CNTNAP5: variants seen among roughly 807,000 people sequenced by gnomAD.
The protein encoded by CNTNAP5 is contactin-associated protein-like 5.
Under a neutral mutation model 150.2 loss-of-function variants are expected in CNTNAP5, and 72 were observed. The observed-to-expected ratio is 0.48, with a 90% confidence interval of 0.40 to 0.58. The LOEUF is 0.58. Ranked by LOEUF, CNTNAP5 falls within the 20% of genes least tolerant of loss-of-function variation. The probability of loss-of-function intolerance (pLI) is 0.00; values close to 1 mark genes in which losing one functional copy is unlikely to be tolerated. For synonymous variants in CNTNAP5, 672 were observed against 619.8 expected, an observed-to-expected ratio of 1.08 and a Z score of -1.25; for missense variants, 1,636 against 1,626.2, an observed-to-expected ratio of 1.01 and a Z score of -0.10.
chr2:124,276,939 C>T (rs1480647458), intron 3 of CNTNAP5, among the ~76,000 whole-genome samples: 1 of 152,070 alleles, frequency 6.6e-6, no homozygotes, highest in East Asian at 1.9e-4. Context: ...CAAGAAGCCA[C>T]AGAAAAATGG....
chr2:124,187,785 C>G (rs1452555367), intron 1 of CNTNAP5, among the ~76,000 whole-genome samples: 6 of 152,200 alleles, frequency 3.9e-5, no homozygotes, highest in Non-Finnish European at 7.3e-5. Context: ...AGTTCAACTT[C>G]CCTTCCTGGT....
chr2:124,237,085 C>T (rs759143301), intron 2 of CNTNAP5, among the ~76,000 whole-genome samples: 14 of 152,036 alleles, frequency 9.2e-5, no homozygotes, highest in Admixed American at 2.6e-4. Flanking sequence ...GCCGAAATCA[C>T]GCCATTGCAC....
chr2:124,097,791 G>A (rs1479853536), intron 1 of CNTNAP5, among the ~76,000 whole-genome samples: 1 of 152,192 alleles, frequency 6.6e-6, no homozygotes, highest in Non-Finnish European at 1.5e-5. Flanking sequence ...CACTTTGGGC[G>A]GCCGAGGCGG....
intron 13 of CNTNAP5, among the ~76,000 whole-genome samples, chr2:124,716,187 G>A (rs1014601318): frequency 1.3e-5 from 2 of 152,024 alleles, no homozygotes; most frequent in African/African-American, 4.8e-5. Flanking sequence ...ATGAAAAAAT[G>A]ATTCGTGCAA....
intron 18 of CNTNAP5, among the ~76,000 whole-genome samples, chr2:124,793,057 G>A (rs979592880): frequency 6.6e-6 from 1 of 152,194 alleles, no homozygotes; most frequent in Non-Finnish European, 1.5e-5. Context: ...ACCTAGAAGT[G>A]AGATTGTTGT....
In CNTNAP5 at chr2:124,855,167, CTTTTTTTTTTTTT is replaced by C. The variant is rs70999224; in HGVS notation, c.3218-10122_3218-10110del. Reference sequence around the variant, plus strand: ...AGAATTAGAAAGCCTTGGGCTTTTGCTTTTTTTTTTTTTTTTTTTTTTTTTTTTTGACAGAGTT... The same window carrying C: ...AGAATTAGAAAGCCTTGGGCTTTTGCTTTTTTTTTTTTTTTTGACAGAGTT... On this transcript the variant is annotated intron_variant, in intron 19 of 23. Coordinates refer to ENST00000682447, the MANE Select transcript of CNTNAP5 (RefSeq NM_001367498.1). Among the ~76,000 whole-genome samples the C allele has an allele frequency of 1.1e-4, 8 of 71,484 alleles. No homozygotes were observed. In the East Asian group the frequency reaches 5.6e-3, roughly 50 times the overall value. 46.9% of individuals were successfully genotyped at this position (71,484 alleles called of 152,430 possible). A position where few individuals can be genotyped will look rare whatever the true frequency, so the allele number is the denominator to read the frequency against.
At chr2:124,466,379 A>T (rs1693379506) in intron 6 of CNTNAP5, among the ~76,000 whole-genome samples, 1 of 152,104 alleles carries the variant, frequency 6.6e-6, no homozygotes, top group African/African-American at 2.4e-5. Flanking sequence ...TTTGGTCACT[A>T]GTATGCTTGC....
intron 1 of CNTNAP5, among the ~76,000 whole-genome samples, chr2:124,074,634 G>A (rs1488841978): frequency 6.6e-6 from 1 of 152,082 alleles, no homozygotes; most frequent in East Asian, 1.9e-4. Context: ...ATTTATCAGT[G>A]TCATGGGTAT....
chr2:124,683,148 C>G (rs1201532040), intron 13 of CNTNAP5, among the ~76,000 whole-genome samples: 2 of 152,192 alleles, frequency 1.3e-5, no homozygotes, highest in Admixed American at 6.5e-5. Context: ...GAGGAGTACA[C>G]AGAGTGTGGC....
chr2:124,681,706 G>A (rs1354429458), intron 13 of CNTNAP5, among the ~76,000 whole-genome samples: 4 of 152,132 alleles, frequency 2.6e-5, no homozygotes, highest in South Asian at 2.1e-4. Flanking sequence ...TGGGACTACA[G>A]GTGCATGCCA....
Position 124,902,950 on chromosome 2 carries a change from G to T in CNTNAP5, c.3505G>T (p.Val1169Phe). ...AMGFAGCMSS[V>F]QYNHIAPLKA... is the part of the protein sequence containing the mutation. The stretch of plus-strand genomic sequence containing the variant: ...GGGTTTTGCTGGATGCATGTCTTCC[G>T]TCCAGTACAACCACATAGCACCACT... Residue 1169 changes from valine (V) to phenylalanine (F), a missense_variant, in exon 22 of 24, where the codon GTC becomes TTC. Coordinates refer to ENST00000682447, the MANE Select transcript of CNTNAP5 (RefSeq NM_001367498.1). 1 of 1,613,032 alleles carries T rather than the reference G, an allele frequency of 6.2e-7. No individual in the cohort carries two copies. Among genetic ancestry groups the T allele is most frequent in the Non-Finnish European group, 8.5e-7 (1 of 1,179,424 alleles).
At chr2:124,082,044 T>C (rs544047222) in intron 1 of CNTNAP5, among the ~76,000 whole-genome samples, 1 of 152,170 alleles carries the variant, frequency 6.6e-6, no homozygotes, top group African/African-American at 2.4e-5. Flanking sequence ...CTATTATGAA[T>C]GTTATATAAA....
At chr2:124,875,001 A>G (rs1370029227) in intron 21 of CNTNAP5, among the ~76,000 whole-genome samples, 1 of 152,086 alleles carries the variant, frequency 6.6e-6, no homozygotes, top group Non-Finnish European at 1.5e-5. Flanking sequence ...CTCAAGATGC[A>G]TAAAATTTAC....
intron 3 of CNTNAP5, among the ~76,000 whole-genome samples, chr2:124,285,859 C>A (rs140804359): frequency 1.3e-5 from 2 of 151,882 alleles, no homozygotes; most frequent in African/African-American, 4.8e-5. Context: ...AGAGAGAAAA[C>A]CCTGGGTATG....
rs1694537667 is a variant in CNTNAP5, at chr2:124,510,301, C to CTATATATAGATATCTATATATCTA, written c.1327+5753_1327+5754insGATATCTATATATCTATATATATA. ...TATCTATATCTATATATCTATATAT[C>CTATATATAGATATCTATATATCTA]TATATATATATCTATATATCTATCT... is the stretch of plus-strand genomic sequence containing the variant. On this transcript the variant is annotated intron_variant, in intron 8 of 23. Coordinates refer to ENST00000682447, the MANE Select transcript of CNTNAP5 (RefSeq NM_001367498.1). Among the ~76,000 whole-genome samples the CTATATATAGATATCTATATATCTA allele has an allele frequency of 5.7e-5, 6 of 106,040 alleles. No homozygotes were observed. In the East Asian group the frequency reaches 1.5e-3, roughly 27 times the overall value. The allele number at this position is 106,040 out of a possible 152,430, so 69.6% of individuals were successfully genotyped here.
chr2:124,426,965 T>C (rs1327695160), intron 4 of CNTNAP5, among the ~76,000 whole-genome samples: 1 of 152,162 alleles, frequency 6.6e-6, no homozygotes, highest in African/African-American at 2.4e-5. Context: ...TGGAGCATGA[T>C]TGGCCTCTCC....
chr2:124,705,441 T>C (rs1467840169), intron 13 of CNTNAP5, among the ~76,000 whole-genome samples: 1 of 152,094 alleles, frequency 6.6e-6, no homozygotes, highest in African/African-American at 2.4e-5. Context: ...GGCAGGAGAA[T>C]TGCTTGAACC....
At chr2:124,404,006 C>G (rs1946550) in intron 3 of CNTNAP5, among the ~76,000 whole-genome samples, 13,821 of 152,226 alleles carry the variant, frequency 0.091, 990 homozygotes, top group East Asian at 0.35. Context: ...CACTGGGTCC[C>G]TCTCATGACA....
At chr2:124,770,625 T>G (rs930807809) in intron 16 of CNTNAP5, among the ~76,000 whole-genome samples, 7 of 152,160 alleles carry the variant, frequency 4.6e-5, no homozygotes, top group Non-Finnish European at 7.3e-5. Context: ...GCACTGGTGA[T>G]CTGAATAAGA....
Sources: gnomAD v4.1 joint callset for allele counts (sites outside exome capture counted in the v4.1 genomes callset) on GRCh38, gnomAD v4.1.1 for gene constraint, MANE v1.5 for transcripts, NCBI Gene and HGNC (gene_info 2026-07-23, HGNC 2026-07-21) for gene names.